MCTP1: variants seen among roughly 807,000 people sequenced by gnomAD.
MCTP1 encodes multiple C2 and transmembrane domain-containing protein 1.
In MCTP1, 69 loss-of-function variants were observed where a neutral mutation model predicts 120.6. The ratio of observed to expected loss-of-function variants is 0.57; its 90% CI spans 0.47 to 0.70. The LOEUF is 0.70. Ranked by LOEUF, MCTP1 falls within the 30% of genes least tolerant of loss-of-function variation. The pLI, the probability that MCTP1 is intolerant of heterozygous loss-of-function variation, is 0.00. For missense variants in MCTP1, 1,203 were observed against 1,248.8 expected (o/e 0.96, Z 0.55); for synonymous variants, 529 against 493.1 (o/e 1.07, Z -0.96).
chr5:95,128,670 G>T (rs933702337), intron 1 of MCTP1, among the ~76,000 whole-genome samples: 6 of 152,218 alleles, frequency 3.9e-5, no homozygotes, highest in African/African-American at 1.4e-4. Flanking sequence ...ACTGGGGAAG[G>T]GGAGGAAGGA....
At chr5:94,989,781 C>T (rs778336784) in intron 2 of MCTP1, among the ~76,000 whole-genome samples, 28 of 152,226 alleles carry the variant, frequency 1.8e-4, no homozygotes, top group South Asian at 1.0e-3. Flanking sequence ...GATCAATCAC[C>T]AATGGCCAGT....
intron 1 of MCTP1, among the ~76,000 whole-genome samples, chr5:95,161,460 G>A (rs1745733631): frequency 1.3e-5 from 2 of 152,234 alleles, no homozygotes; most frequent in South Asian, 2.1e-4. Flanking sequence ...AAGAGGGAAA[G>A]GGGAGATGTT....
chr5:95,140,879 C>CAAAAA (rs33910299), intron 1 of MCTP1, among the ~76,000 whole-genome samples: 25 of 45,314 alleles, frequency 5.5e-4, no homozygotes, highest in Admixed American at 6.5e-4. Context: ...GACTCCGTCT[C>CAAAAA]AAAAAAAAAA....
chr5:94,870,458 C>A lies in MCTP1; in HGVS notation c.2275G>T (p.Glu759Ter). The A allele has an allele frequency of 6.2e-7, 1 of 1,612,272 alleles. No individual in the cohort carries two copies. The highest frequency in any genetic ancestry group is 8.5e-7 in the Non-Finnish European group (1 of 1,178,580). ...TTTTCCTCTTCAATGTACTTCTGTT[C>A]TTTGGGTATTAATGTTCGTAAGCTG... Reference protein sequence around the residue: ...KASLRTLIPKEQKYIEEENRL... With the variant: ...KASLRTLIPK Residue 759 changes from glutamate to a stop codon, truncating the protein, a stop_gained, in exon 16 of 23, where the codon GAA (glutamate) becomes TAA (stop). Coordinates refer to ENST00000515393, the MANE Select transcript of MCTP1 (RefSeq NM_024717.7). LOFTEE classifies it high-confidence loss of function.
At chr5:95,120,506 C>T (rs1271464291) in intron 1 of MCTP1, among the ~76,000 whole-genome samples, 1 of 152,120 alleles carries the variant, frequency 6.6e-6, no homozygotes, top group African/African-American at 2.4e-5. Context: ...GGGATTTATC[C>T]CATGAATGCA....
At chr5:94,760,690 T>C (rs1440580122) in intron 19 of MCTP1, among the ~76,000 whole-genome samples, 1 of 136,798 alleles carries the variant, frequency 7.3e-6, no homozygotes, top group Admixed American at 7.3e-5. Flanking sequence ...TACAACAAAA[T>C]TGTTTTTTTT....
intron 2 of MCTP1, among the ~76,000 whole-genome samples, chr5:95,007,117 G>A (rs1834922959): frequency 6.6e-6 from 1 of 152,154 alleles, no homozygotes; most frequent in African/African-American, 2.4e-5. Context: ...AGAGGAGAAT[G>A]AGAAAAAGGG....
intron 2 of MCTP1, among the ~76,000 whole-genome samples, chr5:95,005,313 A>C (rs1702959264): frequency 6.6e-6 from 1 of 152,106 alleles, no homozygotes; most frequent in Admixed American, 6.5e-5. Flanking sequence ...CTTGTTTCAG[A>C]TGAGACTTTG....
chr5:95,030,268 C>T (rs2153690820), intron 1 of MCTP1, among the ~76,000 whole-genome samples: 1 of 152,330 alleles, frequency 6.6e-6, no homozygotes, highest in South Asian at 2.1e-4. Flanking sequence ...TGTACCACAA[C>T]ACAATCTCTT....
intron 10 of MCTP1, 131 bp downstream of exon 10, chr5:94,909,120 G>A: frequency 9.3e-7 from 1 of 1,080,866 alleles, no homozygotes; most frequent in African/African-American, 1.7e-5. Context: ...GTTCATCCAA[G>A]CATTGCCTTA....
At chr5:94,751,447 TAA>T (rs1352713046) in intron 19 of MCTP1, among the ~76,000 whole-genome samples, 1 of 151,624 alleles carries the variant, frequency 6.6e-6, no homozygotes, top group Non-Finnish European at 1.5e-5. Context: ...AAAAAAATTC[TAA>T]GACTTCTCAA....
At position 95,284,813 on chromosome 5, in the gene MCTP1, C is replaced by G. The variant is rs2152750480; in HGVS notation, c.-238G>C. ...GGGACTCCGGCGCTGCCTCTTCCTC[C>G]CGCACCTGCTGGGGTGGGCTGGAGC... On this transcript the variant is annotated 5_prime_UTR_variant, in exon 1 of 23. Coordinates refer to ENST00000515393, the MANE Select transcript of MCTP1 (RefSeq NM_024717.7). This position sits in a 1 kb window ranked among gnomAD's most constrained non-coding sequence, Gnocchi z 5.2. Among the ~76,000 whole-genome samples the G allele has an allele frequency of 6.6e-6, 1 of 152,214 alleles. No homozygotes were observed. The highest frequency in any genetic ancestry group is 2.1e-4 in the South Asian group (1 of 4,832).
At chr5:95,050,223 A>C (rs73138083) in intron 1 of MCTP1, among the ~76,000 whole-genome samples, 1,529 of 152,334 alleles carry the variant, frequency 0.01, 22 homozygotes, top group African/African-American at 0.035. Flanking sequence ...AAACCACAGA[A>C]TATCCAGTGA....
chr5:94,886,688 G>A (rs998659704), intron 12 of MCTP1, among the ~76,000 whole-genome samples: 2 of 152,132 alleles, frequency 1.3e-5, no homozygotes, highest in South Asian at 2.1e-4. Context: ...TGAAGACAGC[G>A]CTAGTCAATT....
At chr5:95,006,708 C>T (rs1834832618) in intron 2 of MCTP1, among the ~76,000 whole-genome samples, 1 of 152,124 alleles carries the variant, frequency 6.6e-6, no homozygotes, top group African/African-American at 2.4e-5. Context: ...TTTCTGAAAC[C>T]TGCTCAGAGA....
intron 3 of MCTP1, among the ~76,000 whole-genome samples, chr5:94,952,572 G>C (rs1173568327): frequency 6.6e-6 from 1 of 152,158 alleles, no homozygotes; most frequent in African/African-American, 2.4e-5. Flanking sequence ...TGAACAGTCA[G>C]AGCCTAGGAG....
chr5:94,938,211 G>A (rs887022650), intron 5 of MCTP1, among the ~76,000 whole-genome samples: 2 of 151,994 alleles, frequency 1.3e-5, no homozygotes, highest in African/African-American at 4.8e-5. Flanking sequence ...TACTGCTTTT[G>A]ATTTACAGAT....
chr5:95,279,698 A>G (rs1242975471), intron 1 of MCTP1, among the ~76,000 whole-genome samples: 1 of 152,206 alleles, frequency 6.6e-6, no homozygotes, highest in Non-Finnish European at 1.5e-5. Flanking sequence ...GTTCAACTCA[A>G]ATTTGCCAGA....
At chr5:95,277,374 G>C (rs976742219) in intron 1 of MCTP1, among the ~76,000 whole-genome samples, 4 of 152,328 alleles carry the variant, frequency 2.6e-5, no homozygotes, top group Admixed American at 2.0e-4. Flanking sequence ...CAAAAGCCAA[G>C]CTACCAGCTG....
Sources: allele counts gnomAD v4.1 joint callset (sites outside exome capture counted in the v4.1 genomes callset), GRCh38; gene constraint gnomAD v4.1.1; non-coding constraint Gnocchi (gnomAD v3.1); transcripts MANE v1.5; gene names NCBI Gene and HGNC (gene_info 2026-07-23, HGNC 2026-07-21).